The following SLC25A48 variants were observed in gnomAD, a reference collection of about 807,000 sequenced individuals.
SLC25A48 encodes the protein solute carrier family 25 member 48.
SLC25A48 carries 29 observed loss-of-function variants against 32.2 expected under a neutral mutation model. The observed-to-expected ratio is 0.90, with a 90% CI of 0.67 to 1.23. The LOEUF (loss-of-function observed/expected upper bound fraction) is 1.23, where lower values mean the gene tolerates loss of function less well. Ranked by LOEUF, SLC25A48 falls within the 50% of genes most tolerant of loss-of-function variation. The pLI, the probability that SLC25A48 is intolerant of heterozygous loss-of-function variation, is 0.00. For synonymous variants in SLC25A48, 164 were observed against 172.3 expected (o/e 0.95, Z 0.38); for missense variants, 399 against 422.7 (o/e 0.94, Z 0.49).
At chr5:135,842,615 G>C (rs1340399753) in intron 2 of SLC25A48, among the ~76,000 whole-genome samples, 156 bp downstream of exon 2, 1 of 152,186 alleles carries the variant, frequency 6.6e-6, no homozygotes, top group Non-Finnish European at 1.5e-5. Context: ...CAGGAGGTCT[G>C]GTTTAGGTTC....
chr5:135,772,884 T>C (rs1306182525), intron 3 of SLC25A48, among the ~76,000 whole-genome samples: 1 of 151,626 alleles, frequency 6.6e-6, no homozygotes, highest in Non-Finnish European at 1.5e-5. Flanking sequence ...GCAGGGGGTG[T>C]ACACTCCCTT....
At chr5:135,763,754 AACACACACATAC>A (rs776214219) in intron 3 of SLC25A48, among the ~76,000 whole-genome samples, 24,718 of 145,908 alleles carry the variant, frequency 0.17, 2,237 homozygotes, top group Middle Eastern at 0.29. Flanking sequence ...GAGAAATAGG[AACACACACATAC>A]ACACACACAC....
At chr5:135,802,243 G>T (rs982530173) in intron 3 of SLC25A48, among the ~76,000 whole-genome samples, 1 of 151,692 alleles carries the variant, frequency 6.6e-6, no homozygotes, top group Non-Finnish European at 1.5e-5. Flanking sequence ...CACAATGGGT[G>T]TACACCATGC....
At chr5:135,749,061 G>A (rs965990166) in intron 3 of SLC25A48, among the ~76,000 whole-genome samples, 6 of 152,046 alleles carry the variant, frequency 3.9e-5, no homozygotes, top group Non-Finnish European at 5.9e-5. Flanking sequence ...CTTCCTTCCT[G>A]ATGTCCCTTA....
chr5:135,835,268 A>C, intron 1 of SLC25A48: 1 of 476,834 alleles, frequency 2.1e-6, no homozygotes, highest in Non-Finnish European at 4.1e-6. Context: ...GAACTTATGT[A>C]TGAGGGTAGC....
At chr5:135,661,148 C>A (rs1432432228) in intron 3 of SLC25A48, among the ~76,000 whole-genome samples, 1 of 152,218 alleles carries the variant, frequency 6.6e-6, no homozygotes, top group Non-Finnish European at 1.5e-5. Context: ...CAGGAAGAGG[C>A]AGGCCTCAGG....
intron 2 of SLC25A48, among the ~76,000 whole-genome samples, chr5:135,843,110 T>C (rs1759138588): frequency 6.6e-6 from 1 of 152,204 alleles, no homozygotes; most frequent in African/African-American, 2.4e-5. Flanking sequence ...ATGCTCACCC[T>C]CTTGATGGGA....
chr5:135,584,247 C>T (rs1751308081), intron 1 of SLC25A48, among the ~76,000 whole-genome samples: 1 of 152,238 alleles, frequency 6.6e-6, no homozygotes, highest in Admixed American at 6.5e-5. Flanking sequence ...AACAACACTC[C>T]CTTACAGGCA....
chr5:135,829,175 A>C (rs1758141598), intron 4 of SLC25A48, among the ~76,000 whole-genome samples: 1 of 152,200 alleles, frequency 6.6e-6, no homozygotes, highest in South Asian at 2.1e-4. Context: ...CTCTTCTGTC[A>C]CTGTCAGCAC....
At chr5:135,581,984 G>A (rs1033333110) in intron 1 of SLC25A48, among the ~76,000 whole-genome samples, 11 of 152,228 alleles carry the variant, frequency 7.2e-5, no homozygotes, top group African/African-American at 2.7e-4. Context: ...TTGTACAGTG[G>A]CACTGTCTGC....
chr5:135,701,705 C>T (rs575374255), intron 3 of SLC25A48, among the ~76,000 whole-genome samples: 4 of 152,292 alleles, frequency 2.6e-5, no homozygotes, highest in South Asian at 4.1e-4. Flanking sequence ...CATGTTCCCT[C>T]GGCAAGGTCC....
At chr5:135,854,137 A>G (rs1468934646) in intron 4 of SLC25A48, among the ~76,000 whole-genome samples, 1 of 152,242 alleles carries the variant, frequency 6.6e-6, no homozygotes, top group Admixed American at 6.5e-5. Flanking sequence ...GCTGTCATCC[A>G]GGCCTTGTTG....
chr5:135,701,216 C>T (rs547928728), intron 3 of SLC25A48, among the ~76,000 whole-genome samples: 1 of 152,310 alleles, frequency 6.6e-6, no homozygotes, highest in South Asian at 2.1e-4. Flanking sequence ...CCACTTGGCC[C>T]AGGCTGTGTA....
At chr5:135,618,970 A>G (rs965278643) in intron 1 of SLC25A48, among the ~76,000 whole-genome samples, 3 of 151,878 alleles carry the variant, frequency 2.0e-5, no homozygotes, top group African/African-American at 7.3e-5. Flanking sequence ...ATGCCATGGT[A>G]AAAACCTTTT....
At chr5:135,597,087 C>T (rs1009130590) in intron 1 of SLC25A48, among the ~76,000 whole-genome samples, 1 of 152,198 alleles carries the variant, frequency 6.6e-6, no homozygotes, top group Non-Finnish European at 1.5e-5. Context: ...TAACCCCAGA[C>T]AGAGAGTCAG....
At chr5:135,775,446 T>C (rs974676119) in intron 3 of SLC25A48, among the ~76,000 whole-genome samples, 6 of 151,612 alleles carry the variant, frequency 4.0e-5, no homozygotes, top group Non-Finnish European at 5.9e-5. Context: ...ATAATATGAC[T>C]CCCTATATTG....
rs574491234 is a variant in SLC25A48 at position 135,589,154 on chromosome 5, T to G, written c.-849+9557T>G. The stretch of plus-strand genomic sequence containing the variant: ...GGGGCACACTGTTTCATAAACGCTG[T>G]ATAATCCCCACTTTAAATGCCTAGG... On this transcript the variant is annotated intron_variant, in intron 1 of 10. Coordinates refer to the SLC25A48 transcript ENST00000646290. Among the ~76,000 whole-genome samples, 14 of 152,352 alleles carry G rather than the reference T, an allele frequency of 9.2e-5. No individual in the cohort carries two copies. In the South Asian group the frequency reaches 2.7e-3, roughly 29 times the overall value.
At chr5:135,867,502 C>A (rs1306512676) in intron 4 of SLC25A48, among the ~76,000 whole-genome samples, 1 of 152,144 alleles carries the variant, frequency 6.6e-6, no homozygotes, top group Non-Finnish European at 1.5e-5. Context: ...AGGCTCCTGG[C>A]AACCCCCCGG....
At chr5:135,676,590 A>C (rs564680815) in intron 3 of SLC25A48, among the ~76,000 whole-genome samples, 1 of 151,952 alleles carries the variant, frequency 6.6e-6, no homozygotes, top group African/African-American at 2.4e-5. Context: ...TCTGATGTAC[A>C]TGTTTATTGC....
Sources: allele counts gnomAD v4.1 joint callset (sites outside exome capture counted in the v4.1 genomes callset), GRCh38; gene constraint gnomAD v4.1.1; transcripts MANE v1.5; gene names NCBI Gene and HGNC (gene_info 2026-07-23, HGNC 2026-07-21).